TTL: variants seen among roughly 807,000 people sequenced by gnomAD.
TTL encodes tubulin tyrosine ligase.
In TTL, 10 loss-of-function variants were observed where a neutral mutation model predicts 41.1. That is an observed-to-expected ratio of 0.24 (90% CI 0.15 to 0.41). TTL has a LOEUF of 0.41. Among genes scored for constraint, TTL ranks in the 10% least tolerant of loss-of-function variants. The pLI is 1.00. For missense variants in TTL, 367 were observed against 460.4 expected (o/e 0.80, Z 1.86); for synonymous variants, 175 against 175.5 (o/e 1.00, Z 0.02).
rs1681691487 is a variant in TTL, at chr2:112,501,359, A to G, written c.605+18A>G. ...GACATCCGGTAATGCATTCATGTCC[A>G]TAGCTTTTGTTTTTATTCATCTGAA... On this transcript the variant is annotated intron_variant, in intron 4 of 6. Transcript: ENST00000233336. 4 of 1,550,804 alleles carry G rather than the reference A, an allele frequency of 2.6e-6. No homozygotes were observed. The highest frequency in any genetic ancestry group is 3.5e-6 in the Non-Finnish European group (4 of 1,130,988).
In TTL at chr2:112,494,220, T is replaced by C. The variant is rs1196842855; in HGVS notation, c.314T>C (p.Leu105Pro). 6.2e-7 allele frequency: 1 copy of C among 1,614,114 alleles called. No homozygotes were observed. The highest frequency in any genetic ancestry group is 2.2e-5 in the East Asian group (1 of 44,880). The change falls in exon 3 of 7, where the codon CTC becomes CCC. Residue 105 changes from leucine to proline, a missense_variant. Transcript: ENST00000233336. ...PESYVIYPTN[L>P]KTPVAPAQNG... ...TCTTATGTGATTTATCCAACCAATC[T>C]CAAGACTCCAGTTGCTCCAGCACAG...
chr2:112,485,110 C>T (rs956773265), intron 1 of TTL, among the ~76,000 whole-genome samples: 1 of 151,964 alleles, frequency 6.6e-6, no homozygotes, highest in African/African-American at 2.4e-5. Flanking sequence ...CCACCACGCC[C>T]AGCTAGTTTT....
At chr2:112,497,326 G>C (rs1681560582) in intron 3 of TTL, among the ~76,000 whole-genome samples, 1 of 151,408 alleles carries the variant, frequency 6.6e-6, no homozygotes, top group Non-Finnish European at 1.5e-5. Context: ...CTTGACTCTT[G>C]TTTCTTCTTA....
chr2:112,520,513 C>G, intron 6 of TTL, 88 bp downstream of exon 6: 1 of 1,536,240 alleles, frequency 6.5e-7, no homozygotes, highest in East Asian at 2.3e-5. Context: ...GTCACTTTGA[C>G]TGCTGTGAGG....
intron 5 of TTL, 90 bp from the exon 6 acceptor site, chr2:112,520,192 A>C: frequency 7.3e-7 from 1 of 1,376,032 alleles, no homozygotes; most frequent in Non-Finnish European, 1.0e-6. Context: ...ATTTGTATTC[A>C]TCTCATATAA....
chr2:112,526,781 A>G (rs1355582093), intron 6 of TTL, among the ~76,000 whole-genome samples: 3 of 150,896 alleles, frequency 2.0e-5, no homozygotes, highest in African/African-American at 7.3e-5. Flanking sequence ...TTGTGTCTCT[A>G]TCTCCTTCAG....
At chr2:112,496,587 A>C (rs1203847708) in intron 3 of TTL, among the ~76,000 whole-genome samples, 1 of 151,782 alleles carries the variant, frequency 6.6e-6, no homozygotes, top group African/African-American at 2.4e-5. Flanking sequence ...ATTACAGATA[A>C]CAGTAGTAAA....
At chr2:112,487,311 G>A (rs1169872743) in intron 2 of TTL, among the ~76,000 whole-genome samples, 6 of 152,156 alleles carry the variant, frequency 3.9e-5, no homozygotes, top group Non-Finnish European at 8.8e-5. Flanking sequence ...CACTCCTGAA[G>A]GAGAGTGAGG....
At chr2:112,502,147 A>G (rs1252755045) in intron 4 of TTL, among the ~76,000 whole-genome samples, 1 of 152,180 alleles carries the variant, frequency 6.6e-6, no homozygotes, top group African/African-American at 2.4e-5. Flanking sequence ...AAAGCTAAAC[A>G]GCCCTCCCTC....
chr2:112,482,642 C>A lies in TTL; in HGVS notation c.157+141C>A, dbSNP rs932966798. On this transcript the variant is annotated intron_variant, in intron 1 of 6. Coordinates refer to ENST00000233336, the MANE Select transcript of TTL (RefSeq NM_153712.5). This position sits in a 1 kb window ranked among gnomAD's most constrained non-coding sequence, Gnocchi z 5.3. ...TTGTCGGGCACATCAGAAACGGATT[C>A]GGAAAGATCGAAACCTGTCGTTTTT... 1.0e-5 allele frequency: 10 copies of A among 954,604 alleles called. No individual in the cohort carries two copies. Among genetic ancestry groups the A allele is most frequent in the Admixed American group, 3.6e-5 (1 of 27,818 alleles). 59.1% of individuals were successfully genotyped at this position (954,604 alleles called of 1,614,324 possible).
rs191883418 is a variant in TTL at position 112,534,676 on chromosome 2, C to T, written c.*5881C>T. The T allele has an allele frequency of 6.6e-6, 1 of 152,350 alleles. No individual in the cohort carries two copies. The highest frequency in any genetic ancestry group is 1.5e-5 in the Non-Finnish European group (1 of 68,040). The allele number at this position is 152,350 out of a possible 1,614,324, so 9.4% of individuals were successfully genotyped here. A position where few individuals can be genotyped will look rare whatever the true frequency, so the allele number is the denominator to read the frequency against. ...AAAAAAATCAACAGCAATTGTTGAA[C>T]ATCTCAGCTTCCTAAGGTGGCTGTA... On this transcript the variant is annotated 3_prime_UTR_variant, in exon 7 of 7. Transcript: ENST00000233336.
intron 5 of TTL, among the ~76,000 whole-genome samples, chr2:112,510,893 A>G (rs966974475): frequency 2.4e-4 from 37 of 152,320 alleles, no homozygotes; most frequent in East Asian, 7.7e-4. Context: ...TAGGTCAGGA[A>G]GAGACTTTGT....
At chr2:112,522,283 G>C (rs1682259138) in intron 6 of TTL, 1 of 152,478 alleles carries the variant, frequency 6.6e-6, no homozygotes, top group Non-Finnish European at 1.5e-5. Context: ...CCATGTTCCA[G>C]TCCATTCCAG....
In TTL at chr2:112,529,613, CTT is replaced by C; in HGVS notation, c.*826_*827del. 1 of 224,464 alleles carries C rather than the reference CTT, an allele frequency of 4.5e-6. No homozygotes were observed. The highest frequency in any genetic ancestry group is 8.8e-6 in the Non-Finnish European group (1 of 113,026). 13.9% of individuals were successfully genotyped at this position (224,464 alleles called of 1,614,324 possible). ...TCTAAATGCAGTTTTGCCTAGTTCC[CTT>C]TTTTTTTCTTTTTTTACTTTTTTTT... On this transcript the variant is annotated 3_prime_UTR_variant, in exon 7 of 7. Coordinates refer to ENST00000233336, the MANE Select transcript of TTL (RefSeq NM_153712.5).
rs1682447519 is a variant in TTL at position 112,529,282 on chromosome 2, T to G, written c.*487T>G. The G allele has an allele frequency of 4.1e-6, 1 of 242,712 alleles. No individual in the cohort carries two copies. Among genetic ancestry groups the G allele is most frequent in the Non-Finnish European group, 8.1e-6 (1 of 123,508 alleles). The allele number at this position is 242,712 out of a possible 1,614,324, so 15.0% of individuals were successfully genotyped here. On this transcript the variant is annotated 3_prime_UTR_variant, in exon 7 of 7. Transcript: ENST00000233336. ...CTGTACAAGCATGCACCAACAGTCC[T>G]TAGTTTTGTGCTGTGCACTGGCCTC...
At chr2:112,503,403 G>GTA (rs61614473) in intron 5 of TTL, among the ~76,000 whole-genome samples, 2,552 of 143,414 alleles carry the variant, frequency 0.018, 48 homozygotes, top group African/African-American at 0.038. Context: ...GTGTGTGTGT[G>GTA]TATATATATA....
intron 6 of TTL, among the ~76,000 whole-genome samples, chr2:112,525,093 G>A (rs1206270804): frequency 1.3e-5 from 2 of 152,096 alleles, no homozygotes; most frequent in East Asian, 3.9e-4. Flanking sequence ...CAAACATCAG[G>A]TGGTTGTAGA....
intron 5 of TTL, among the ~76,000 whole-genome samples, chr2:112,513,606 A>G (rs1681984828): frequency 6.7e-6 from 1 of 148,646 alleles, no homozygotes; most frequent in Admixed American, 6.7e-5. Context: ...TATTTATACA[A>G]GTATAAGTAT....
rs189421183 is a variant in TTL, at chr2:112,539,894, T to G, written c.*11099T>G. On this transcript the variant is annotated 3_prime_UTR_variant, in exon 7 of 7. Coordinates refer to ENST00000233336, the MANE Select transcript of TTL (RefSeq NM_153712.5). ...CTACATATTACAAACAATTTGAAGTTAAGAAAACAATTCCATTTATATCAA... is the reference window on the plus strand; with the variant it reads ...CTACATATTACAAACAATTTGAAGTGAAGAAAACAATTCCATTTATATCAA... The G allele has an allele frequency of 7.9e-5, 12 of 152,304 alleles. No individual in the cohort carries two copies. Among genetic ancestry groups the G allele is most frequent in the Non-Finnish European group, 1.6e-4 (11 of 68,022 alleles). 9.4% of individuals were successfully genotyped at this position (152,304 alleles called of 1,614,324 possible). A position where few individuals can be genotyped will look rare whatever the true frequency, so the allele number is the denominator to read the frequency against.
Sources: allele counts gnomAD v4.1 joint callset (sites outside exome capture counted in the v4.1 genomes callset), GRCh38; gene constraint gnomAD v4.1.1; non-coding constraint Gnocchi (gnomAD v3.1); transcripts MANE v1.5; gene names NCBI Gene and HGNC (gene_info 2026-07-23, HGNC 2026-07-21).